DLG2: variants seen among roughly 807,000 people sequenced by gnomAD.
DLG2 encodes discs large MAGUK scaffold protein 2, also known as disks large homolog 2.
Under a neutral mutation model 132.5 loss-of-function variants are expected in DLG2, and 45 were observed. The observed-to-expected ratio is 0.34, with a 90% CI of 0.27 to 0.44. The LOEUF is 0.44. Among genes scored for constraint, DLG2 ranks in the 20% least tolerant of loss-of-function variants. The pLI, the probability that DLG2 is intolerant of heterozygous loss-of-function variation, is 1.00. For synonymous variants in DLG2, 424 were observed against 419.6 expected, an observed-to-expected ratio of 1.01 and a Z score of -0.13; for missense variants, 1,045 against 1,196.9, an observed-to-expected ratio of 0.87 and a Z score of 1.87.
intron 3 of DLG2, among the ~76,000 whole-genome samples, chr11:85,368,120 T>G (rs17810583): frequency 0.035 from 5,323 of 152,350 alleles, 144 homozygotes; most frequent in Admixed American, 0.049. Context: ...TACCTGAGTT[T>G]GTTTCATTAA....
chr11:83,538,446 T>C (rs1305271603), intron 20 of DLG2, among the ~76,000 whole-genome samples: 1 of 152,252 alleles, frequency 6.6e-6, no homozygotes, highest in Non-Finnish European at 1.5e-5. Context: ...GCTGCCACTG[T>C]AATTTTGGCA....
At chr11:85,506,108 CTT>C (rs1321793376) in intron 3 of DLG2, among the ~76,000 whole-genome samples, 1 of 152,076 alleles carries the variant, frequency 6.6e-6, no homozygotes, top group Non-Finnish European at 1.5e-5. Context: ...ATTTTTCTCT[CTT>C]TTCTTCTTTA....
chr11:84,928,989 T>C (rs1476015276), intron 6 of DLG2, among the ~76,000 whole-genome samples: 1 of 47,920 alleles, frequency 2.1e-5, no homozygotes, highest in Non-Finnish European at 5.1e-5. Context: ...TGTGTATATA[T>C]ATATATATAT....
At chr11:84,018,306 G>C (rs763463241) in intron 11 of DLG2, among the ~76,000 whole-genome samples, 19 of 151,722 alleles carry the variant, frequency 1.3e-4, no homozygotes, top group Non-Finnish European at 2.4e-4. Flanking sequence ...TTTAATAATA[G>C]TCATAATAAT....
At chr11:83,509,267 T>G (rs2094888830) in intron 21 of DLG2, among the ~76,000 whole-genome samples, 1 of 152,228 alleles carries the variant, frequency 6.6e-6, no homozygotes, top group African/African-American at 2.4e-5. Context: ...ATTTAACTTT[T>G]TTAGGATTCA....
intron 12 of DLG2, among the ~76,000 whole-genome samples, chr11:83,968,696 A>G (rs1427383758): frequency 6.6e-6 from 1 of 152,186 alleles, no homozygotes; most frequent in Non-Finnish European, 1.5e-5. Flanking sequence ...CCAAGAGGTT[A>G]AGAAACTTGC....
At chr11:84,021,807 G>T (rs565191041) in intron 11 of DLG2, among the ~76,000 whole-genome samples, 1 of 151,746 alleles carries the variant, frequency 6.6e-6, no homozygotes, top group Non-Finnish European at 1.5e-5. Flanking sequence ...GCCCAGGCTG[G>T]AGTGCAATTG....
At chr11:84,303,190 TTA>T (rs1055104886) in intron 7 of DLG2, among the ~76,000 whole-genome samples, 6 of 152,302 alleles carry the variant, frequency 3.9e-5, no homozygotes, top group African/African-American at 1.4e-4. Flanking sequence ...ATAACAGGTA[TTA>T]TAGAGATTGA....
chr11:84,002,812 T>A (rs1410175403), intron 11 of DLG2, among the ~76,000 whole-genome samples: 1 of 152,192 alleles, frequency 6.6e-6, no homozygotes, highest in Non-Finnish European at 1.5e-5. Context: ...TCCTTGTTCA[T>A]TATGAAAATT....
intron 17 of DLG2, among the ~76,000 whole-genome samples, chr11:83,809,428 GA>G (rs1276887036): frequency 2.6e-5 from 4 of 152,162 alleles, no homozygotes; most frequent in Non-Finnish European, 4.4e-5. Flanking sequence ...GGCTTCTGGA[GA>G]AACTCCTTAG....
chr11:85,480,217 A>G (rs1240668598), intron 3 of DLG2, among the ~76,000 whole-genome samples: 1 of 152,260 alleles, frequency 6.6e-6, no homozygotes, highest in Non-Finnish European at 1.5e-5. Flanking sequence ...ACCTGAAGAT[A>G]GACATTGTAA....
intron 3 of DLG2, among the ~76,000 whole-genome samples, chr11:85,294,715 T>A (rs1366332843): frequency 6.6e-6 from 1 of 152,136 alleles, no homozygotes; most frequent in Admixed American, 6.6e-5. Flanking sequence ...AAATGTTGAA[T>A]ACCTGAACAT....
chr11:84,253,384 A>G (rs893843758), intron 7 of DLG2, among the ~76,000 whole-genome samples: 6 of 152,198 alleles, frequency 3.9e-5, no homozygotes, highest in Non-Finnish European at 8.8e-5. Context: ...CAACTTTCCA[A>G]AAAGGTTGAA....
chr11:84,520,445 C>G (rs563596804), intron 7 of DLG2, among the ~76,000 whole-genome samples: 2 of 152,168 alleles, frequency 1.3e-5, no homozygotes, highest in Non-Finnish European at 2.9e-5. Flanking sequence ...ATGATACATT[C>G]TAGCATAGTG....
At chr11:85,527,020 T>C (rs1042197763) in intron 3 of DLG2, among the ~76,000 whole-genome samples, 2 of 152,138 alleles carry the variant, frequency 1.3e-5, no homozygotes, top group Non-Finnish European at 2.9e-5. Flanking sequence ...TCTGTAGTTT[T>C]CCTAACTGAC....
At chr11:84,600,167 A>AAAGAAGGAAAGAAG (rs1565419107) in intron 6 of DLG2, among the ~76,000 whole-genome samples, 194 of 70,582 alleles carry the variant, frequency 2.7e-3, no homozygotes, top group African/African-American at 0.012. Flanking sequence ...AAGGAAAGAA[A>AAAGAAGGAAAGAAG]GAAAGAAAGA....
chr11:85,194,095 G>A (rs1479050100), intron 4 of DLG2, among the ~76,000 whole-genome samples: 1 of 152,232 alleles, frequency 6.6e-6, no homozygotes, highest in Admixed American at 6.5e-5. Context: ...ATGGGGATGA[G>A]AGGAGTGTTT....
intron 6 of DLG2, among the ~76,000 whole-genome samples, chr11:85,071,061 C>A (rs1008175369): frequency 6.6e-6 from 1 of 151,840 alleles, no homozygotes. Context: ...TCTGTTTCAT[C>A]ATTTGTAAAA....
intron 18 of DLG2, among the ~76,000 whole-genome samples, chr11:83,721,577 T>C (rs897832627): frequency 4.6e-5 from 7 of 152,196 alleles, no homozygotes; most frequent in African/African-American, 1.4e-4. Context: ...TGCCTCCTTG[T>C]CTCCAGTGAT....
Sources: gnomAD v4.1 joint callset for allele counts (sites outside exome capture counted in the v4.1 genomes callset) on GRCh38, gnomAD v4.1.1 for gene constraint, MANE v1.5 for transcripts, NCBI Gene and HGNC (gene_info 2026-07-23, HGNC 2026-07-21) for gene names.